The following SFSWAP variants were observed in gnomAD, a reference collection of about 807,000 sequenced individuals.
SFSWAP encodes the protein splicing factor, suppressor of white-apricot homolog.
In SFSWAP, 17 loss-of-function variants were observed where a neutral mutation model predicts 100.7. The ratio of observed to expected loss-of-function variants is 0.17; its 90% CI spans 0.12 to 0.25. The LOEUF is 0.25. Ranked by LOEUF, SFSWAP falls within the 10% of genes least tolerant of loss-of-function variation. The pLI is 1.00. For synonymous variants in SFSWAP, 504 were observed against 510.1 expected (o/e 0.99, Z 0.16); for missense variants, 1,005 against 1,262.6 (o/e 0.80, Z 3.09).
At chr12:131,781,318 A>G (rs891136104) in intron 14 of SFSWAP, among the ~76,000 whole-genome samples, 1 of 149,770 alleles carries the variant, frequency 6.7e-6, no homozygotes, top group African/African-American at 2.5e-5. Flanking sequence ...GCTCACTGCA[A>G]GCTCTGCCTC....
At chr12:131,727,388 T>C (rs1464204336) in intron 6 of SFSWAP, among the ~76,000 whole-genome samples, 1 of 152,244 alleles carries the variant, frequency 6.6e-6, no homozygotes, top group African/African-American at 2.4e-5. Flanking sequence ...GGCTTACACA[T>C]GTAATCCTAG....
At chr12:131,722,509 G>A (rs1878569700) in intron 4 of SFSWAP, among the ~76,000 whole-genome samples, 3 of 152,184 alleles carry the variant, frequency 2.0e-5, no homozygotes, top group Admixed American at 1.3e-4. Flanking sequence ...TATGGAAAGT[G>A]GGGAAGGATT....
chr12:131,797,537 C>A (rs78690272), intron 16 of SFSWAP, among the ~76,000 whole-genome samples, 177 bp downstream of exon 16: 26,650 of 152,314 alleles, frequency 0.17, 3,057 homozygotes, highest in Non-Finnish European at 0.25. Context: ...TGGCTTCTCA[C>A]AATCCATGAG....
At position 131,764,522 on chromosome 12, in the gene SFSWAP, A is replaced by T. The variant is rs778827815; in HGVS notation, c.1787A>T (p.Asn596Ile). The T allele has an allele frequency of 6.2e-7, 1 of 1,614,208 alleles. No homozygotes were observed. Among genetic ancestry groups the T allele is most frequent in the South Asian group, 1.1e-5 (1 of 91,082 alleles). Residue 596 changes from asparagine to isoleucine, a missense_variant, in exon 12 of 18, where the codon AAT (asparagine) becomes ATT (isoleucine). Around this residue, in one of 7 missense-constraint regions of SFSWAP, gnomAD observed 82 missense variants for 131.0 expected, o/e 0.63. Coordinates refer to ENST00000261674, the MANE Select transcript of SFSWAP (RefSeq NM_004592.4). ...KENDLLPLEK[N>I]RVKLDDDSDD... ...AATGATCTGCTTCCCCTGGAAAAAA[A>T]TCGTGTTAAGCTAGATGATGACAGT...
chr12:131,721,274 A>G (rs1878453983), intron 4 of SFSWAP, among the ~76,000 whole-genome samples: 1 of 152,226 alleles, frequency 6.6e-6, no homozygotes, highest in Non-Finnish European at 1.5e-5. Context: ...GGGGACACAG[A>G]TCCAAACTGA....
At position 131,719,468 on chromosome 12, in the gene SFSWAP, G is replaced by A. The variant is rs200555358; in HGVS notation, c.535G>A (p.Glu179Lys). Reference sequence around the variant, plus strand: ...TTTTTATGCAGAAAAAAATGAGGCCGAAAATTTAGAGGAAAATGAAGAGCC... The same window carrying A: ...TTTTTATGCAGAAAAAAATGAGGCCAAAAATTTAGAGGAAAATGAAGAGCC... ...PSKQREKNEA[E>K]NLEENEEPFV... The change falls in exon 4 of 18, where the codon GAA becomes AAA. Residue 179 changes from glutamate to lysine, a missense_variant. Physicochemically the swap from Glu to Lys is moderately conservative, Grantham distance 56 (BLOSUM62 1). Transcript: ENST00000261674. The A allele has an allele frequency of 1.2e-5, 19 of 1,614,014 alleles. No individual in the cohort carries two copies. Among genetic ancestry groups the A allele is most frequent in the African/African-American group, 1.1e-4 (8 of 75,010 alleles).
At chr12:131,755,115 C>T (rs957541550) in intron 9 of SFSWAP, among the ~76,000 whole-genome samples, 2 of 151,976 alleles carry the variant, frequency 1.3e-5, no homozygotes, top group Non-Finnish European at 2.9e-5. Flanking sequence ...AGACACAAAC[C>T]CTTCTTTTTA....
Position 131,778,379 on chromosome 12 carries a change from C to G in SFSWAP, c.2408+49C>G. The G allele has an allele frequency of 6.3e-7, 1 of 1,583,468 alleles. No homozygotes were observed. The highest frequency in any genetic ancestry group is 8.6e-7 in the Non-Finnish European group (1 of 1,165,868). ...TCTGGTACCCTCATGACCCCCATGTCCTTCACAGGACACCCAGTAGAGCTA... is the reference window on the plus strand; with the variant it reads ...TCTGGTACCCTCATGACCCCCATGTGCTTCACAGGACACCCAGTAGAGCTA... On this transcript the variant is annotated intron_variant, in intron 14 of 17. Transcript: ENST00000261674. The surrounding 1 kb of genome is among the most constrained non-coding windows in gnomAD (Gnocchi z 4.2).
chr12:131,761,928 G>C (rs950816651), intron 11 of SFSWAP, among the ~76,000 whole-genome samples: 1 of 152,150 alleles, frequency 6.6e-6, no homozygotes, highest in Non-Finnish European at 1.5e-5. Context: ...CTCTTAGAGT[G>C]AGTAGCTGTG....
intron 14 of SFSWAP, chr12:131,785,204 A>G (rs767309977): frequency 6.5e-7 from 1 of 1,534,930 alleles, no homozygotes; most frequent in Non-Finnish European, 8.7e-7. Flanking sequence ...AGCTCTTTTG[A>G]GGGAAAACCT....
At chr12:131,732,456 G>A (rs1477156210) in intron 7 of SFSWAP, among the ~76,000 whole-genome samples, 1 of 152,152 alleles carries the variant, frequency 6.6e-6, no homozygotes, top group African/African-American at 2.4e-5. Context: ...TAGTGTATGA[G>A]GTTGGTGGGC....
chr12:131,731,259 C>T, intron 7 of SFSWAP, among the ~76,000 whole-genome samples: 1 of 152,328 alleles, frequency 6.6e-6, no homozygotes, highest in Non-Finnish European at 1.5e-5. Flanking sequence ...CACGCAAGCC[C>T]GGGCAGTGCG....
At chr12:131,768,187 G>A (rs1593168485) in intron 13 of SFSWAP, among the ~76,000 whole-genome samples, 1 of 152,252 alleles carries the variant, frequency 6.6e-6, no homozygotes, top group Non-Finnish European at 1.5e-5. Context: ...AGCACTGCAT[G>A]CAGATTGTCC....
intron 13 of SFSWAP, among the ~76,000 whole-genome samples, chr12:131,770,720 C>T (rs1156618853): frequency 1.3e-5 from 2 of 152,032 alleles, no homozygotes; most frequent in East Asian, 1.9e-4. Context: ...ACCATTTTAC[C>T]GTTTTTAACT....
At position 131,754,393 on chromosome 12, in the gene SFSWAP, A is replaced by G; in HGVS notation, c.1348A>G (p.Ile450Val). 1 of 1,578,214 alleles carries G rather than the reference A, an allele frequency of 6.3e-7. No homozygotes were observed. Among genetic ancestry groups the G allele is most frequent in the Middle Eastern group, 1.7e-4 (1 of 5,912 alleles). The change falls in exon 9 of 18, where the codon ATC (isoleucine) becomes GTC (valine). Residue 450 changes from isoleucine to valine, a missense_variant. By Grantham distance (29) the Ile-to-Val change is conservative. Transcript: ENST00000261674. ...TSALAPVAAI[I>V]PPPPDVQPVI... ...TGCACTTGCCCCCGTGGCCGCCATC[A>G]TCCCCCCGCCCCCCGACGTCCAGCC...
chr12:131,735,272 C>G (rs1042567738), intron 7 of SFSWAP, among the ~76,000 whole-genome samples: 1 of 152,250 alleles, frequency 6.6e-6, no homozygotes, highest in African/African-American at 2.4e-5. Context: ...TGCGCGCTTT[C>G]TGACGAACAG....
At chr12:131,763,815 A>ATT (rs1167177550) in intron 11 of SFSWAP, among the ~76,000 whole-genome samples, 43 of 144,112 alleles carry the variant, frequency 3.0e-4, no homozygotes, top group Middle Eastern at 3.5e-3. Context: ...TGAGCCATGA[A>ATT]TTTTTTTTTT....
At chr12:131,781,427 C>T (rs978066434) in intron 14 of SFSWAP, among the ~76,000 whole-genome samples, 3 of 151,688 alleles carry the variant, frequency 2.0e-5, no homozygotes, top group Non-Finnish European at 2.9e-5. Flanking sequence ...TTAGTAGAGA[C>T]GGGGTTTCAC....
chr12:131,764,953 C>T (rs549409213), intron 12 of SFSWAP, among the ~76,000 whole-genome samples: 3 of 152,368 alleles, frequency 2.0e-5, no homozygotes, highest in Non-Finnish European at 2.9e-5. Context: ...TAATGCGCCA[C>T]AGTGGAATGC....
Sources: allele counts gnomAD v4.1 joint callset (sites outside exome capture counted in the v4.1 genomes callset), GRCh38; gene constraint gnomAD v4.1.1; regional missense constraint gnomAD v4.1.1; non-coding constraint Gnocchi (gnomAD v3.1); transcripts MANE v1.5; gene names NCBI Gene and HGNC (gene_info 2026-07-23, HGNC 2026-07-21).